SNX18: variants seen among roughly 807,000 people sequenced by gnomAD.
SNX18 encodes the protein sorting nexin 18.
SNX18 carries 35 observed loss-of-function variants against 48.7 expected under a neutral mutation model. The ratio of observed to expected loss-of-function variants is 0.72; its 90% CI spans 0.55 to 0.95. The LOEUF (loss-of-function observed/expected upper bound fraction) is 0.95. SNX18 is among the 40% of genes least tolerant of loss of function. The probability of loss-of-function intolerance (pLI) is 0.00; values close to 1 mark genes in which losing one functional copy is unlikely to be tolerated. For missense variants in SNX18, 824 were observed against 871.0 expected (o/e 0.95, Z 0.68); for synonymous variants, 492 against 384.7 (o/e 1.28, Z -3.26).
the SNX18 span, among the ~76,000 whole-genome samples, chr5:54,624,838 T>C: frequency 6.6e-6 from 1 of 152,244 alleles, no homozygotes; most frequent in Non-Finnish European, 1.5e-5. Context: ...CAGCAGTTTC[T>C]GTCTCAGGGA....
In SNX18 at chr5:54,543,640, A is replaced by G. The variant is rs2111612705; in HGVS notation, c.*208A>G. On this transcript the variant is annotated 3_prime_UTR_variant, in exon 2 of 2. Transcript: ENST00000381410. The stretch of plus-strand genomic sequence containing the variant: ...AGAAACAGTACCACACATTGTAACT[A>G]AATTATACTATGTATGCCTACACTA... 2 of 565,776 alleles carry G rather than the reference A, an allele frequency of 3.5e-6. No individual in the cohort carries two copies. The highest frequency in any genetic ancestry group is 3.0e-5 in the East Asian group (1 of 32,908). 35.0% of individuals were successfully genotyped at this position (565,776 alleles called of 1,614,324 possible). A position where few individuals can be genotyped will look rare whatever the true frequency, so the allele number is the denominator to read the frequency against.
chr5:54,543,330 C>G lies in SNX18; in HGVS notation c.1773C>G (p.Asp591Glu), dbSNP rs1239084986. 1 of 1,614,142 alleles carries G rather than the reference C, an allele frequency of 6.2e-7. No homozygotes were observed. The highest frequency in any genetic ancestry group is 2.2e-5 in the East Asian group (1 of 44,882). ...IHHFHQIRVR[D>E]FKSQMQHFLQ... ...ACTTCCATCAAATTCGAGTGAGAGACTTTAAATCACAGATGCAGCATTTCT... is the reference window on the plus strand; with the variant it reads ...ACTTCCATCAAATTCGAGTGAGAGAGTTTAAATCACAGATGCAGCATTTCT... Residue 591 changes from aspartate to glutamate, a missense_variant, in exon 2 of 2, where the codon GAC (aspartate) becomes GAG (glutamate). Physicochemically the swap from Asp to Glu is conservative, Grantham distance 45. This residue lies in a region of SNX18 where 443 missense variants were observed against 503.6 expected (regional missense o/e 0.88). Coordinates refer to ENST00000381410, the MANE Select transcript of SNX18 (RefSeq NM_001102575.2).
chr5:54,531,686 C>T (rs973328360), intron 1 of SNX18, among the ~76,000 whole-genome samples: 3 of 152,172 alleles, frequency 2.0e-5, no homozygotes, highest in Admixed American at 6.5e-5. Context: ...GACTCACAGC[C>T]ACCGGACACC....
At chr5:54,562,159 C>T in the SNX18 span, among the ~76,000 whole-genome samples, 8 of 152,276 alleles carry the variant, frequency 5.3e-5, no homozygotes, top group South Asian at 8.3e-4. Flanking sequence ...CAGCTCTTTG[C>T]GGGCGGGCAC....
At chr5:54,605,837 T>C in the SNX18 span, among the ~76,000 whole-genome samples, 1 of 152,016 alleles carries the variant, frequency 6.6e-6, no homozygotes, top group South Asian at 2.1e-4. Flanking sequence ...ATCTAAAAAC[T>C]TTTTTTTGTA....
rs538799543 is a variant in SNX18 at position 54,529,188 on chromosome 5, C to T, written c.1621+9615C>T. Among the ~76,000 whole-genome samples, 255 of 152,076 alleles carry T rather than the reference C, an allele frequency of 1.7e-3. 1 individual carries two copies. Among genetic ancestry groups the T allele is most frequent in the Non-Finnish European group, 3.0e-3 (205 of 68,000 alleles). ...ATAACATCTTATTGGGGGCAGTGTC[C>T]GTGGCGGTGGGAGGAGAACACAGAA... On this transcript the variant is annotated intron_variant, in intron 1 of 1. Transcript: ENST00000381410.
the SNX18 span, among the ~76,000 whole-genome samples, chr5:54,568,630 G>A: frequency 6.6e-6 from 1 of 152,104 alleles, no homozygotes. Flanking sequence ...TTTCAGTCAC[G>A]CTGCTTCCAT....
chr5:54,547,635 G>T (rs543402144), downstream of SNX18, among the ~76,000 whole-genome samples: 154 of 152,326 alleles, frequency 1.0e-3, no homozygotes, highest in Non-Finnish European at 1.2e-3. Flanking sequence ...TCTCTCAACA[G>T]AAGGTCTGAC....
downstream of SNX18, among the ~76,000 whole-genome samples, chr5:54,550,227 T>C (rs966733682): frequency 3.9e-5 from 6 of 152,236 alleles, no homozygotes; most frequent in East Asian, 1.2e-3. Context: ...CATAAGTCTG[T>C]GTTCTCTGTA....
the SNX18 span, among the ~76,000 whole-genome samples, chr5:54,575,368 CT>C: frequency 0.045 from 5,045 of 111,746 alleles, 87 homozygotes; most frequent in African/African-American, 0.094. Flanking sequence ...CTCCCCACTG[CT>C]TTTTTTTTTT....
At chr5:54,603,524 C>T in the SNX18 span, among the ~76,000 whole-genome samples, 33 of 152,178 alleles carry the variant, frequency 2.2e-4, no homozygotes, top group South Asian at 6.0e-3. Flanking sequence ...CAAACCCAGC[C>T]AACATGCCTG....
the SNX18 span, among the ~76,000 whole-genome samples, chr5:54,575,741 G>A: frequency 6.6e-6 from 1 of 151,902 alleles, no homozygotes; most frequent in South Asian, 2.1e-4. Flanking sequence ...CACCATACCA[G>A]GAGAGAACAC....
chr5:54,576,793 G>GC, the SNX18 span, among the ~76,000 whole-genome samples: 1 of 140,636 alleles, frequency 7.1e-6, no homozygotes, highest in Non-Finnish European at 1.6e-5. Flanking sequence ...TTGTTTGTTT[G>GC]TTTGTTTGCT....
At chr5:54,583,667 A>C in the SNX18 span, among the ~76,000 whole-genome samples, 1 of 152,214 alleles carries the variant, frequency 6.6e-6, no homozygotes, top group African/African-American at 2.4e-5. Flanking sequence ...CCTACCACTT[A>C]GCATGTTTTG....
At chr5:54,642,730 G>A in the SNX18 span, among the ~76,000 whole-genome samples, 101,623 of 152,064 alleles carry the variant, frequency 0.67, 34,063 homozygotes, top group East Asian at 0.72. Flanking sequence ...TTAGAGCATC[G>A]GTTGGTTCTC....
the SNX18 span, among the ~76,000 whole-genome samples, chr5:54,578,161 C>T: frequency 6.6e-6 from 1 of 152,192 alleles, no homozygotes; most frequent in Non-Finnish European, 1.5e-5. Context: ...AGCCTTGGCC[C>T]ATTAATCAGA....
At chr5:54,561,586 C>G in the SNX18 span, among the ~76,000 whole-genome samples, 1 of 150,790 alleles carries the variant, frequency 6.6e-6, no homozygotes, top group African/African-American at 2.4e-5. Context: ...GTGATCCTCT[C>G]TCCTTGGCCT....
rs1762506217 is a variant in SNX18 at position 54,543,219 on chromosome 5, G to A, written c.1662G>A (p.Glu554=). 6.2e-7 allele frequency: 1 copy of A among 1,614,108 alleles called. No homozygotes were observed. The highest frequency in any genetic ancestry group is 2.2e-5 in the East Asian group (1 of 44,870). The change falls in exon 2 of 2, where the codon GAG becomes GAA. Residue 554 remains glutamate (E), a synonymous_variant. Coordinates refer to ENST00000381410, the MANE Select transcript of SNX18 (RefSeq NM_001102575.2). The part of the protein sequence containing the change: ...TKVKESRRHV[E]EGKMEVQKAD... The stretch of plus-strand genomic sequence containing the variant: ...TCAAGGAGAGTAGGCGACACGTGGA[G>A]GAAGGGAAGATGGAGGTGCAGAAGG...
the SNX18 span, among the ~76,000 whole-genome samples, chr5:54,561,795 C>T: frequency 6.6e-6 from 1 of 152,156 alleles, no homozygotes; most frequent in Non-Finnish European, 1.5e-5. Flanking sequence ...TGAGAATGAA[C>T]ATATGCAGGG....
Sources: allele counts gnomAD v4.1 joint callset (sites outside exome capture counted in the v4.1 genomes callset), GRCh38; gene constraint gnomAD v4.1.1; regional missense constraint gnomAD v4.1.1; transcripts MANE v1.5; gene names NCBI Gene and HGNC (gene_info 2026-07-23, HGNC 2026-07-21).